The following CNTNAP2 variants were observed in gnomAD, a reference collection of about 807,000 sequenced individuals.
CNTNAP2 encodes contactin associated protein 2.
CNTNAP2 carries 98 observed loss-of-function variants against 155.2 expected under a neutral mutation model. The ratio of observed to expected loss-of-function variants is 0.63; its 90% confidence interval spans 0.54 to 0.75. The LOEUF (loss-of-function observed/expected upper bound fraction) is 0.75, where lower values mean the gene tolerates loss of function less well. Among genes scored for constraint, CNTNAP2 ranks in the 30% least tolerant of loss-of-function variants. CNTNAP2 has a pLI of 0.00. For synonymous variants in CNTNAP2, 651 were observed against 631.2 expected, an observed-to-expected ratio of 1.03 and a Z score of -0.47; for missense variants, 1,727 against 1,688.1, an observed-to-expected ratio of 1.02 and a Z score of -0.40.
At chr7:147,541,735 A>G (rs1369363507) in intron 11 of CNTNAP2, among the ~76,000 whole-genome samples, 5 of 152,232 alleles carry the variant, frequency 3.3e-5, no homozygotes, top group Non-Finnish European at 7.3e-5. Context: ...TATTTAAAAG[A>G]GCATTTTTAA....
At chr7:147,941,671 G>A (rs1457295927) in intron 14 of CNTNAP2, among the ~76,000 whole-genome samples, 2 of 152,312 alleles carry the variant, frequency 1.3e-5, no homozygotes, top group East Asian at 3.9e-4. Flanking sequence ...GAATTAAAAT[G>A]TAATTAGTTG....
intron 8 of CNTNAP2, among the ~76,000 whole-genome samples, chr7:147,145,434 A>C (rs1339136399): frequency 6.6e-6 from 1 of 152,036 alleles, no homozygotes; most frequent in Non-Finnish European, 1.5e-5. Flanking sequence ...ACCCACCTGC[A>C]CCTCCCACCA....
In CNTNAP2 at chr7:148,009,570, C is replaced by T. The variant is rs571390233; in HGVS notation, c.2383+31581C>T. 2.6e-5 allele frequency among the ~76,000 whole-genome samples: 4 copies of T among 152,190 alleles called. No individual in the cohort carries two copies. The South Asian group carries it at 6.2e-4, about 24-fold the overall frequency. On this transcript the variant is annotated intron_variant, in intron 15 of 23. Coordinates refer to ENST00000361727, the MANE Select transcript of CNTNAP2 (RefSeq NM_014141.6). ...TGGGAGACTGGTATATTTACCTATACTATAGTAACTGAAATTTATGCATAT... is the reference window on the plus strand; with the variant it reads ...TGGGAGACTGGTATATTTACCTATATTATAGTAACTGAAATTTATGCATAT...
chr7:146,241,837 C>G (rs1362672906), intron 1 of CNTNAP2, among the ~76,000 whole-genome samples: 1 of 140,306 alleles, frequency 7.1e-6, no homozygotes, highest in Admixed American at 6.8e-5. Flanking sequence ...CACACACACA[C>G]AAACACACAC....
At chr7:146,632,907 G>C (rs537583841) in intron 1 of CNTNAP2, among the ~76,000 whole-genome samples, 1 of 150,324 alleles carries the variant, frequency 6.7e-6, no homozygotes, top group Non-Finnish European at 1.5e-5. Flanking sequence ...TGATGTGGTC[G>C]CTTGAAAGAC....
intron 15 of CNTNAP2, among the ~76,000 whole-genome samples, chr7:148,001,544 G>T (rs1046003159): frequency 1.3e-5 from 2 of 152,186 alleles, no homozygotes; most frequent in Non-Finnish European, 2.9e-5. Context: ...GCAATCATTG[G>T]AGTTGTCAAT....
At chr7:147,421,507 A>G (rs1372047114) in intron 10 of CNTNAP2, among the ~76,000 whole-genome samples, 1 of 151,680 alleles carries the variant, frequency 6.6e-6, no homozygotes, top group East Asian at 1.9e-4. Context: ...CACATTATCT[A>G]AATTACACAA....
chr7:146,190,877 T>C (rs879452482), intron 1 of CNTNAP2, among the ~76,000 whole-genome samples: 6 of 152,144 alleles, frequency 3.9e-5, no homozygotes, highest in Non-Finnish European at 8.8e-5. Context: ...AAAATGTCAT[T>C]CATGTTTTCC....
At chr7:146,433,120 C>T (rs901679930) in intron 1 of CNTNAP2, among the ~76,000 whole-genome samples, 2 of 152,130 alleles carry the variant, frequency 1.3e-5, no homozygotes, top group Admixed American at 6.6e-5. Flanking sequence ...GTTTGGACTA[C>T]AAAGTGTTTG....
intron 10 of CNTNAP2, among the ~76,000 whole-genome samples, chr7:147,420,049 T>A (rs899864088): frequency 1.3e-5 from 2 of 152,186 alleles, no homozygotes; most frequent in African/African-American, 4.8e-5. Flanking sequence ...TGTGAATAAT[T>A]TCATTGTTAA....
At chr7:147,581,069 T>C (rs1400723220) in intron 12 of CNTNAP2, among the ~76,000 whole-genome samples, 1 of 152,206 alleles carries the variant, frequency 6.6e-6, no homozygotes, top group African/African-American at 2.4e-5. Flanking sequence ...GGTGGTACTA[T>C]TACTATTCGC....
intron 10 of CNTNAP2, among the ~76,000 whole-genome samples, chr7:147,453,937 T>C (rs1485970224): frequency 2.0e-5 from 3 of 152,200 alleles, no homozygotes; most frequent in Non-Finnish European, 4.4e-5. Flanking sequence ...TGTGTTAATT[T>C]ATGAAACAGA....
intron 9 of CNTNAP2, among the ~76,000 whole-genome samples, chr7:147,324,902 G>GA (rs1229091744): frequency 6.6e-6 from 1 of 152,096 alleles, no homozygotes; most frequent in Non-Finnish European, 1.5e-5. Flanking sequence ...TACCAACTAG[G>GA]AAAAATGCAT....
At chr7:146,541,866 G>T (rs1369863043) in intron 1 of CNTNAP2, among the ~76,000 whole-genome samples, 1 of 151,878 alleles carries the variant, frequency 6.6e-6, no homozygotes, top group Admixed American at 6.6e-5. Context: ...TACTGTTCTT[G>T]AATGATTTAT....
chr7:147,578,827 T>A (rs966014586), intron 12 of CNTNAP2, among the ~76,000 whole-genome samples: 1 of 151,326 alleles, frequency 6.6e-6, no homozygotes, highest in African/African-American at 2.5e-5. Context: ...TAAAGTATCA[T>A]TTTCAACAGA....
intron 3 of CNTNAP2, among the ~76,000 whole-genome samples, chr7:146,932,562 A>T (rs1300734652): frequency 3.9e-5 from 6 of 152,144 alleles, no homozygotes; most frequent in Non-Finnish European, 8.8e-5. Flanking sequence ...CTCCTATTCA[A>T]CATAGTGTTG....
At chr7:148,215,010 G>T (rs191871919) in intron 18 of CNTNAP2, among the ~76,000 whole-genome samples, 4 of 152,236 alleles carry the variant, frequency 2.6e-5, no homozygotes, top group African/African-American at 9.6e-5. Context: ...AAAGTTTTGG[G>T]GGTAAGAGGA....
At chr7:146,529,450 G>T (rs1004897925) in intron 1 of CNTNAP2, among the ~76,000 whole-genome samples, 2 of 152,020 alleles carry the variant, frequency 1.3e-5, no homozygotes, top group African/African-American at 4.8e-5. Context: ...GATACTCTAG[G>T]GTGATAATTC....
chr7:146,891,957 A>C (rs1342705724), intron 3 of CNTNAP2, among the ~76,000 whole-genome samples: 1 of 152,174 alleles, frequency 6.6e-6, no homozygotes, highest in East Asian at 1.9e-4. Context: ...CCCACCTATT[A>C]ATGTTTTGGC....
Sources: gnomAD v4.1 joint callset for allele counts (sites outside exome capture counted in the v4.1 genomes callset) on GRCh38, gnomAD v4.1.1 for gene constraint, MANE v1.5 for transcripts, NCBI Gene and HGNC (gene_info 2026-07-23, HGNC 2026-07-21) for gene names.